ANGPT4: variants seen among roughly 807,000 people sequenced by gnomAD.
ANGPT4 encodes the protein angiopoietin-4.
ANGPT4 carries 50 observed loss-of-function variants against 53.0 expected under a neutral mutation model. That is an observed-to-expected ratio of 0.94 (90% CI 0.75 to 1.20). ANGPT4 has a LOEUF of 1.20. Ranked by LOEUF, ANGPT4 falls within the 50% of genes most tolerant of loss-of-function variation. The probability of loss-of-function intolerance (pLI) is 0.00; values close to 1 mark genes in which losing one functional copy is unlikely to be tolerated. For synonymous variants in ANGPT4, 251 were observed against 259.7 expected, an observed-to-expected ratio of 0.97 and a Z score of 0.32; for missense variants, 648 against 637.1, an observed-to-expected ratio of 1.02 and a Z score of -0.18.
At chr20:890,842 A>T (rs1052183095) in intron 1 of ANGPT4, among the ~76,000 whole-genome samples, 1 of 151,596 alleles carries the variant, frequency 6.6e-6, no homozygotes, top group Non-Finnish European at 1.5e-5. Context: ...CGAAGCAAGC[A>T]TGTGCCCACA....
rs544732668 is a variant in ANGPT4, at chr20:870,886, T to C, written c.*2074A>G. 2 of 152,310 alleles carry C rather than the reference T, an allele frequency of 1.3e-5. No homozygotes were observed. Among genetic ancestry groups the C allele is most frequent in the African/African-American group, 4.8e-5 (2 of 41,578 alleles). 9.4% of individuals were successfully genotyped at this position (152,310 alleles called of 1,614,324 possible). A position where few individuals can be genotyped will look rare whatever the true frequency, so the allele number is the denominator to read the frequency against. On this transcript the variant is annotated 3_prime_UTR_variant, in exon 9 of 9. Transcript: ENST00000381922. The stretch of plus-strand genomic sequence containing the variant: ...GGCTCTATTAAGAAGATGACATACA[T>C]GGTCTCATTTCCTCCTTGCCATAGC...
chr20:883,126 G>T (rs933092814), intron 4 of ANGPT4, among the ~76,000 whole-genome samples: 13 of 152,188 alleles, frequency 8.5e-5, no homozygotes, highest in African/African-American at 3.1e-4. Flanking sequence ...AAAAATTGAG[G>T]CTCTGAGAAG....
Position 899,548 on chromosome 20 carries a change from C to G in ANGPT4, c.310-9180G>C, listed in dbSNP as rs192275579. Among the ~76,000 whole-genome samples the G allele has an allele frequency of 2.0e-5, 3 of 152,230 alleles. No individual in the cohort carries two copies. In the South Asian group the frequency reaches 6.2e-4, roughly 32 times the overall value. On this transcript the variant is annotated intron_variant, in intron 1 of 8. Coordinates refer to ENST00000381922, the MANE Select transcript of ANGPT4 (RefSeq NM_015985.4). ...GATTACAGGCATGAACCACCGCCCC[C>G]GGCCTGGGACAACATTCTTTTATGC...
chr20:897,324 G>C (rs961657824), intron 1 of ANGPT4, among the ~76,000 whole-genome samples: 1 of 152,144 alleles, frequency 6.6e-6, no homozygotes, highest in African/African-American at 2.4e-5. Flanking sequence ...TATGACCTCC[G>C]ATCCTCAGAT....
intron 1 of ANGPT4, among the ~76,000 whole-genome samples, chr20:890,923 A>T (rs894524947): frequency 3.7e-4 from 57 of 152,104 alleles, no homozygotes; most frequent in African/African-American, 1.4e-3. Flanking sequence ...ACACCTCCTC[A>T]TGCTGTTTCA....
chr20:886,489 G>C (rs1472975719), intron 3 of ANGPT4, among the ~76,000 whole-genome samples: 1 of 152,166 alleles, frequency 6.6e-6, no homozygotes, highest in Non-Finnish European at 1.5e-5. Context: ...ATAAAAATGG[G>C]AATGTACAGA....
intron 1 of ANGPT4, among the ~76,000 whole-genome samples, chr20:898,465 C>T (rs898592649): frequency 6.6e-6 from 1 of 152,234 alleles, no homozygotes; most frequent in African/African-American, 2.4e-5. Context: ...CAGCCCCGTT[C>T]ATGGCCCACT....
At chr20:892,398 C>A (rs191485564) in intron 1 of ANGPT4, among the ~76,000 whole-genome samples, 65 of 152,192 alleles carry the variant, frequency 4.3e-4, no homozygotes, top group Non-Finnish European at 8.5e-4. Flanking sequence ...GAGTTTGAGA[C>A]CAGCCTGGGC....
At chr20:906,921 C>T (rs1982497221) in intron 1 of ANGPT4, among the ~76,000 whole-genome samples, 1 of 152,230 alleles carries the variant, frequency 6.6e-6, no homozygotes, top group African/African-American at 2.4e-5. Context: ...GCTTCTCAAC[C>T]CTAGCTCAAC....
At chr20:882,034 G>C (rs1981430060) in intron 4 of ANGPT4, among the ~76,000 whole-genome samples, 1 of 152,164 alleles carries the variant, frequency 6.6e-6, no homozygotes, top group African/African-American at 2.4e-5. Context: ...CCTTGGGTGG[G>C]AAGCTGTGGG....
chr20:877,934 C>G lies in ANGPT4; in HGVS notation c.1220+227G>C, dbSNP rs1981229494. ...CCCCTTCTTGCTCCTCGGATGGCAG[C>G]ACCAATGACATTCTTTCCACTCCAC... is the stretch of plus-strand genomic sequence containing the variant. On this transcript the variant is annotated intron_variant, in intron 7 of 8. Transcript: ENST00000381922. 1.3e-5 allele frequency among the ~76,000 whole-genome samples: 2 copies of G among 152,240 alleles called. 1 individual carries two copies. Among genetic ancestry groups the G allele is most frequent in the South Asian group, 4.1e-4 (2 of 4,836 alleles).
chr20:915,956 C>A lies in ANGPT4; in HGVS notation c.259G>T (p.Val87Leu). The A allele has an allele frequency of 1.2e-6, 2 of 1,608,126 alleles. No homozygotes were observed. The highest frequency in any genetic ancestry group is 2.2e-5 in the South Asian group (2 of 90,616). ...LHLGKLPTQQ[V>L]KQLEQALQNN... ...TGCAGTGCCTGCTCCAGCTGTTTCA[C>A]CTGCTGGGTGGGCAACTTCCCCAGG... Residue 87 changes from valine (V) to leucine (L), a missense_variant, in exon 1 of 9, where the codon GTG (valine) becomes TTG (leucine). Physicochemically the swap from Val to Leu is conservative, Grantham distance 32. Transcript: ENST00000381922.
chr20:902,145 G>A (rs1191603628), intron 1 of ANGPT4, among the ~76,000 whole-genome samples: 1 of 151,970 alleles, frequency 6.6e-6, no homozygotes, highest in Non-Finnish European at 1.5e-5. Context: ...GTTTCAATAG[G>A]GTGATGGTGA....
chr20:879,374 C>A (rs1208333227), intron 6 of ANGPT4, among the ~76,000 whole-genome samples: 1 of 152,080 alleles, frequency 6.6e-6, no homozygotes, highest in Non-Finnish European at 1.5e-5. Context: ...ATCTCTCCTG[C>A]AGATATGATC....
At chr20:879,232 G>A (rs1303937463) in intron 6 of ANGPT4, among the ~76,000 whole-genome samples, 2 of 152,084 alleles carry the variant, frequency 1.3e-5, no homozygotes, top group Non-Finnish European at 2.9e-5. Flanking sequence ...AACTTTAAGA[G>A]CTTTTAAGTA....
chr20:874,696 A>T (rs6055483), intron 7 of ANGPT4, among the ~76,000 whole-genome samples: 1 of 152,160 alleles, frequency 6.6e-6, no homozygotes, highest in South Asian at 2.1e-4. Flanking sequence ...CACAATAATG[A>T]TAATAATGGC....
Position 885,147 on chromosome 20 carries a change from G to A in ANGPT4, c.766C>T (p.His256Tyr), listed in dbSNP as rs1456721214. The change falls in exon 4 of 9, where the codon CAC becomes TAC. Residue 256 changes from histidine to tyrosine, a missense_variant. By Grantham distance (83) the His-to-Tyr change is moderately conservative. Coordinates refer to ENST00000381922, the MANE Select transcript of ANGPT4 (RefSeq NM_015985.4). The part of the protein sequence containing the change: ...HNSSLLQDQQ[H>Y]SLRQLLVLLR... Reference sequence around the variant, plus strand: ...AACACCAGCAGCTGGCGCAGGCTGTGCTGCTGGTCCTGCAGGAGGCTGGAG... The same window carrying A: ...AACACCAGCAGCTGGCGCAGGCTGTACTGCTGGTCCTGCAGGAGGCTGGAG... 6.2e-7 allele frequency: 1 copy of A among 1,611,906 alleles called. No individual in the cohort carries two copies. The highest frequency in any genetic ancestry group is 1.1e-5 in the South Asian group (1 of 90,650).
At chr20:891,918 G>A (rs537617442) in intron 1 of ANGPT4, among the ~76,000 whole-genome samples, 10 of 152,204 alleles carry the variant, frequency 6.6e-5, no homozygotes, top group African/African-American at 1.9e-4. Context: ...AGGTCCCACC[G>A]CAGACCTCCT....
chr20:878,114 C>T (rs73602182), intron 7 of ANGPT4, 47 bp downstream of exon 7: 3 of 1,550,722 alleles, frequency 1.9e-6, no homozygotes, highest in East Asian at 2.3e-5. Context: ...AGCCCGCCCA[C>T]TAGCTGAAGA....
Sources: allele counts gnomAD v4.1 joint callset (sites outside exome capture counted in the v4.1 genomes callset), GRCh38; gene constraint gnomAD v4.1.1; transcripts MANE v1.5; gene names NCBI Gene and HGNC (gene_info 2026-07-23, HGNC 2026-07-21).